HEPHL1: variants seen among roughly 807,000 people sequenced by gnomAD.
The protein encoded by HEPHL1 is hephaestin like 1.
A neutral mutation model predicts 122.0 loss-of-function variants in HEPHL1; 123 were observed. That is an observed-to-expected ratio of 1.01 (90% CI 0.87 to 1.17). HEPHL1 has a LOEUF of 1.17. HEPHL1 is among the 50% of genes most tolerant of loss of function. The pLI, the probability that HEPHL1 is intolerant of heterozygous loss-of-function variation, is 0.00. For missense variants in HEPHL1, 1,452 were observed against 1,430.5 expected, an observed-to-expected ratio of 1.01 and a Z score of -0.24; for synonymous variants, 527 against 508.9, an observed-to-expected ratio of 1.04 and a Z score of -0.48.
chr11:94,049,056 G>C (rs1040381052), intron 2 of HEPHL1, among the ~76,000 whole-genome samples: 1 of 152,040 alleles, frequency 6.6e-6, no homozygotes, highest in Non-Finnish European at 1.5e-5. Flanking sequence ...GGGAGGTGGA[G>C]GCTGCAGTGA....
At position 94,029,766 on chromosome 11, in the gene HEPHL1, C is replaced by G. The variant is rs150456113; in HGVS notation, c.170+8228C>G. Among the ~76,000 whole-genome samples the G allele has an allele frequency of 2.6e-4, 39 of 152,240 alleles. 1 individual carries two copies. The highest frequency in any genetic ancestry group is 3.4e-3 in the Middle Eastern group (1 of 294). On this transcript the variant is annotated intron_variant, in intron 1 of 19. Coordinates refer to ENST00000315765, the MANE Select transcript of HEPHL1 (RefSeq NM_001098672.2). ...AAAACAGTCAATGTATAACTCAGTGCCAAAATATGAAGCATACCATAAGTG... is the reference window on the plus strand; with the variant it reads ...AAAACAGTCAATGTATAACTCAGTGGCAAAATATGAAGCATACCATAAGTG...
At chr11:94,055,528 C>T (rs1035943381) in intron 2 of HEPHL1, 13 of 240,222 alleles carry the variant, frequency 5.4e-5, no homozygotes, top group Admixed American at 1.5e-4. Context: ...CGTTGTTAAC[C>T]GGCTTGGAGA....
At chr11:94,073,246 T>G in intron 7 of HEPHL1, 62 bp from the exon 8 acceptor site, 1 of 1,606,214 alleles carries the variant, frequency 6.2e-7, no homozygotes, top group East Asian at 2.2e-5. Context: ...ATGACTCTTC[T>G]GCTTTACTTC....
At chr11:94,058,273 A>C (rs1027217902) in intron 2 of HEPHL1, among the ~76,000 whole-genome samples, 1 of 152,152 alleles carries the variant, frequency 6.6e-6, no homozygotes, top group Non-Finnish European at 1.5e-5. Context: ...TAGATACCAA[A>C]ATGGTTTGTT....
At chr11:94,049,510 G>A (rs1224761048) in intron 2 of HEPHL1, among the ~76,000 whole-genome samples, 1 of 150,652 alleles carries the variant, frequency 6.6e-6, no homozygotes, top group East Asian at 2.0e-4. Flanking sequence ...TTATCCAAAG[G>A]AATAAACCTT....
At chr11:94,062,018 T>C (rs1945988418) in intron 2 of HEPHL1, among the ~76,000 whole-genome samples, 1 of 152,112 alleles carries the variant, frequency 6.6e-6, no homozygotes, top group South Asian at 2.1e-4. Context: ...AATTCAGAGC[T>C]ACAGTTAATA....
chr11:94,055,858 A>G, intron 2 of HEPHL1: 2 of 583,830 alleles, frequency 3.4e-6, no homozygotes, highest in South Asian at 1.7e-5. Context: ...GAATCTGCCA[A>G]AGATTTAGCT....
Position 94,073,346 on chromosome 11 carries a change from G to C in HEPHL1, c.1411G>C (p.Val471Leu). The stretch of plus-strand genomic sequence containing the variant: ...GGCAGAGGTGGGTGATACCCTGTTA[G>C]TGACCTTTGCCAACAAAGCCGACAA... The part of the protein sequence containing the change: ...IKAEVGDTLL[V>L]TFANKADKVY... The change falls in exon 8 of 20, where the codon GTG (valine) becomes CTG (leucine). Residue 471 changes from valine (V) to leucine (L), a missense_variant. Physicochemically the swap from Val to Leu is conservative, Grantham distance 32 (BLOSUM62 1). Transcript: ENST00000315765. 6.2e-7 allele frequency: 1 copy of C among 1,605,792 alleles called. No individual in the cohort carries two copies.
chr11:94,065,564 C>A (rs1205731990), intron 4 of HEPHL1, among the ~76,000 whole-genome samples: 3 of 151,844 alleles, frequency 2.0e-5, no homozygotes, highest in Non-Finnish European at 4.4e-5. Context: ...ATTTTGGCAA[C>A]CTTATGTGTA....
At chr11:94,067,184 C>T (rs1444473553) in intron 4 of HEPHL1, among the ~76,000 whole-genome samples, 2 of 152,144 alleles carry the variant, frequency 1.3e-5, no homozygotes, top group Non-Finnish European at 2.9e-5. Flanking sequence ...GACTGAGCCT[C>T]CTGTAAATAT....
chr11:94,046,091 C>CTTTCTTTTTTT, intron 2 of HEPHL1, among the ~76,000 whole-genome samples, 174 bp downstream of exon 2: 1 of 65,048 alleles, frequency 1.5e-5, no homozygotes, highest in Non-Finnish European at 2.6e-5. Context: ...CCCTTTCTTG[C>CTTTCTTTTTTT]TTTTTTTTTT....
At chr11:94,103,081 G>A (rs1278892904) in intron 15 of HEPHL1, 61 bp downstream of exon 15, 2 of 956,280 alleles carry the variant, frequency 2.1e-6, no homozygotes, top group South Asian at 1.3e-5. Flanking sequence ...GACTACTTGG[G>A]TCATCACAAT....
chr11:94,024,145 TG>T (rs1565342165), intron 1 of HEPHL1, among the ~76,000 whole-genome samples: 1 of 152,158 alleles, frequency 6.6e-6, no homozygotes, highest in Non-Finnish European at 1.5e-5. Context: ...TATTCACACT[TG>T]GGCAAATGTC....
chr11:94,110,970 T>C lies in HEPHL1; in HGVS notation c.3113T>C (p.Phe1038Ser). Residue 1038 changes from phenylalanine to serine, a missense_variant, in exon 18 of 20, where the codon TTT (phenylalanine) becomes TCT (serine). By Grantham distance (155) the Phe-to-Ser change is radical. Transcript: ENST00000315765. ...FPGTFQTIEL[F>S]ADHPGTWLLH... The stretch of plus-strand genomic sequence containing the variant: ...GGGACATTCCAAACCATTGAACTGT[T>C]TGCAGATCACCCAGGGACATGGCTG... 6.2e-7 allele frequency: 1 copy of C among 1,612,864 alleles called. No individual in the cohort carries two copies. The highest frequency in any genetic ancestry group is 8.5e-7 in the Non-Finnish European group (1 of 1,179,438).
chr11:94,064,658 T>C, intron 4 of HEPHL1, 148 bp downstream of exon 4: 1 of 605,496 alleles, frequency 1.7e-6, no homozygotes, highest in Non-Finnish European at 2.9e-6. Context: ...ATACAATACA[T>C]GACACATGTT....
chr11:94,070,950 G>T (rs1565354377), intron 6 of HEPHL1, among the ~76,000 whole-genome samples: 1 of 152,080 alleles, frequency 6.6e-6, no homozygotes, highest in East Asian at 1.9e-4. Flanking sequence ...ACCCTTTTTG[G>T]TTCAAGGATA....
rs1036734093 is a variant in HEPHL1 at position 94,114,021 on chromosome 11, C to T, written c.*2127C>T. 2.0e-5 allele frequency among the ~76,000 whole-genome samples: 3 copies of T among 152,226 alleles called. No individual in the cohort carries two copies. The highest frequency in any genetic ancestry group is 1.9e-4 in the East Asian group (1 of 5,206). On this transcript the variant is annotated 3_prime_UTR_variant, in exon 20 of 20. Transcript: ENST00000315765. ...ACACATATTTCTTCCTATTACAATACACGTGTCCCTGCTCCTAGCAGGACA... is the reference window on the plus strand; with the variant it reads ...ACACATATTTCTTCCTATTACAATATACGTGTCCCTGCTCCTAGCAGGACA...
chr11:94,060,802 G>A (rs1489601094), intron 2 of HEPHL1, among the ~76,000 whole-genome samples: 2 of 152,116 alleles, frequency 1.3e-5, no homozygotes. Context: ...CAACACTGAT[G>A]GGAAGCAATG....
chr11:94,042,473 C>G (rs1404211715), intron 1 of HEPHL1, among the ~76,000 whole-genome samples: 1 of 141,696 alleles, frequency 7.1e-6, no homozygotes, highest in African/African-American at 2.6e-5. Flanking sequence ...TTGGAACCAA[C>G]CCAAATGTCC....
Sources: allele counts gnomAD v4.1 joint callset (sites outside exome capture counted in the v4.1 genomes callset), GRCh38; gene constraint gnomAD v4.1.1; transcripts MANE v1.5; gene names NCBI Gene and HGNC (gene_info 2026-07-23, HGNC 2026-07-21).